Variants in ASCC1 observed in about 807,000 individuals in gnomAD.
ASCC1 encodes the protein activating signal cointegrator 1 complex subunit 1.
ASCC1 carries 35 observed loss-of-function variants against 46.6 expected under a neutral mutation model. That is an observed-to-expected ratio of 0.75 (90% confidence interval 0.57 to 0.99). ASCC1 has a LOEUF of 0.99. Ranked by LOEUF, ASCC1 falls within the 50% of genes least tolerant of loss-of-function variation. ASCC1 has a pLI of 0.00. For synonymous variants in ASCC1, 143 were observed against 146.6 expected (o/e 0.98, Z 0.18); for missense variants, 376 against 428.7 (o/e 0.88, Z 1.09).
intron 8 of ASCC1, among the ~76,000 whole-genome samples, chr10:72,128,773 A>G (rs1410426880): frequency 5.9e-5 from 9 of 152,216 alleles, no homozygotes; most frequent in African/African-American, 1.2e-4. Flanking sequence ...TTTGGGTTGC[A>G]TATCTCAAAA....
At chr10:72,190,248 A>T in intron 5 of ASCC1, 1 of 770,484 alleles carries the variant, frequency 1.3e-6, no homozygotes, top group Non-Finnish European at 2.4e-6. Context: ...TCTGTTGCAG[A>T]GGAATGAGCT....
chr10:72,205,630 CAAA>C (rs35572254), intron 3 of ASCC1, among the ~76,000 whole-genome samples: 11 of 116,858 alleles, frequency 9.4e-5, no homozygotes, highest in Admixed American at 1.9e-4. Context: ...AACTCCATCT[CAAA>C]AAAAAAAAAA....
chr10:72,210,180 A>T (rs1857864476), intron 3 of ASCC1, among the ~76,000 whole-genome samples: 1 of 133,176 alleles, frequency 7.5e-6, no homozygotes, highest in South Asian at 2.4e-4. Flanking sequence ...TTTTTTTAAG[A>T]CTAAGTTTCA....
At chr10:72,146,035 T>C (rs1473592096) in intron 7 of ASCC1, among the ~76,000 whole-genome samples, 2 of 152,240 alleles carry the variant, frequency 1.3e-5, no homozygotes, top group Non-Finnish European at 2.9e-5. Flanking sequence ...GACTTTGCAT[T>C]TGCTATTTAT....
intron 9 of ASCC1, among the ~76,000 whole-genome samples, chr10:72,121,271 G>A (rs1844164802): frequency 6.6e-6 from 1 of 152,068 alleles, no homozygotes; most frequent in Admixed American, 6.6e-5. Context: ...AGCCTCCAAA[G>A]TAGCTGGGAC....
intron 9 of ASCC1, among the ~76,000 whole-genome samples, chr10:72,102,594 T>G (rs1042725444): frequency 1.3e-5 from 2 of 152,170 alleles, no homozygotes; most frequent in African/African-American, 4.8e-5. Flanking sequence ...ATAATGGTAT[T>G]TACCATGTCA....
chr10:72,215,659 A>G (rs1262359739), intron 1 of ASCC1: 1 of 152,248 alleles, frequency 6.6e-6, no homozygotes, highest in Admixed American at 6.5e-5. Context: ...TCGGGCCCTC[A>G]GACCACGAGC....
chr10:72,152,893 A>C lies in ASCC1; in HGVS notation c.722T>G (p.Val241Gly), dbSNP rs1277945024. The change falls in exon 7 of 10, where the codon GTC becomes GGC. Residue 241 changes from valine to glycine, a missense_variant. Physicochemically the swap from Val to Gly is moderately radical, Grantham distance 109 (BLOSUM62 -3). Coordinates refer to ENST00000672957, the MANE Select transcript of ASCC1 (RefSeq NM_001198800.3). ...CCTGTTGGAGCCATCTTTCATATGGACTTTGGCGTAAAGAACATCCACCAT... is the reference window on the plus strand; with the variant it reads ...CCTGTTGGAGCCATCTTTCATATGGCCTTTGGCGTAAAGAACATCCACCAT... ...PGMVDVLYAK[V>G]HMKDGSNRLQ... The C allele has an allele frequency of 6.2e-7, 1 of 1,614,144 alleles. No individual in the cohort carries two copies. The highest frequency in any genetic ancestry group is 1.7e-5 in the Admixed American group (1 of 60,032).
At chr10:72,106,941 A>C (rs1368325428) in intron 9 of ASCC1, among the ~76,000 whole-genome samples, 1 of 152,220 alleles carries the variant, frequency 6.6e-6, no homozygotes, top group Non-Finnish European at 1.5e-5. Context: ...GTACCAAAGA[A>C]TGCCAAGTGG....
intron 6 of ASCC1, among the ~76,000 whole-genome samples, chr10:72,160,061 T>C (rs9633590): frequency 0.047 from 7,118 of 152,082 alleles, 187 homozygotes; most frequent in South Asian, 0.073. Flanking sequence ...CCTGCCACCA[T>C]GCCCAGCTAA....
chr10:72,159,351 T>C (rs188199588), intron 6 of ASCC1: 4 of 152,210 alleles, frequency 2.6e-5, no homozygotes, highest in Admixed American at 2.0e-4. Context: ...CCAAGAAACA[T>C]AAAAGGGAGG....
chr10:72,137,128 T>C (rs1273556194), intron 7 of ASCC1, among the ~76,000 whole-genome samples: 1 of 151,968 alleles, frequency 6.6e-6, no homozygotes. Context: ...ATTGCTCAAG[T>C]AGGTCTTGAA....
intron 7 of ASCC1, among the ~76,000 whole-genome samples, chr10:72,146,664 A>G (rs949445467): frequency 2.6e-5 from 4 of 152,140 alleles, no homozygotes; most frequent in African/African-American, 7.2e-5. Context: ...TCCTTAAACA[A>G]ATTTCTTACC....
intron 9 of ASCC1, among the ~76,000 whole-genome samples, chr10:72,107,844 T>C (rs1176161622): frequency 2.0e-5 from 3 of 152,208 alleles, no homozygotes; most frequent in African/African-American, 4.8e-5. Context: ...ATCTGTAACC[T>C]GGGCAGCTGT....
chr10:72,166,516 A>C (rs1031575431), intron 5 of ASCC1, among the ~76,000 whole-genome samples: 1 of 151,980 alleles, frequency 6.6e-6, no homozygotes, highest in African/African-American at 2.4e-5. Flanking sequence ...AAAAAACAAA[A>C]CCCACAATAT....
intron 9 of ASCC1, among the ~76,000 whole-genome samples, chr10:72,111,479 C>G (rs1842913532): frequency 6.6e-6 from 1 of 151,626 alleles, no homozygotes; most frequent in Non-Finnish European, 1.5e-5. Context: ...AGAGCAAGAC[C>G]CTATCTCAAA....
At chr10:72,164,123 T>C (rs1850047641) in intron 5 of ASCC1, among the ~76,000 whole-genome samples, 1 of 152,020 alleles carries the variant, frequency 6.6e-6, no homozygotes, top group South Asian at 2.1e-4. Flanking sequence ...CCACCACTCC[T>C]GGCTAATTTT....
chr10:72,143,904 C>G (rs976724949), intron 7 of ASCC1, among the ~76,000 whole-genome samples: 1 of 151,938 alleles, frequency 6.6e-6, no homozygotes. Context: ...TAGGCTCATA[C>G]AAGTTCAGAA....
intron 8 of ASCC1, among the ~76,000 whole-genome samples, chr10:72,128,816 T>C (rs1267461979): frequency 6.6e-6 from 1 of 151,902 alleles, no homozygotes; most frequent in Non-Finnish European, 1.5e-5. Context: ...GAAAAGAATA[T>C]CAAAAGAGAG....
Sources: gnomAD v4.1 joint callset for allele counts (sites outside exome capture counted in the v4.1 genomes callset) on GRCh38, gnomAD v4.1.1 for gene constraint, MANE v1.5 for transcripts, NCBI Gene and HGNC (gene_info 2026-07-23, HGNC 2026-07-21) for gene names.